Variants in CLCN5 observed in about 807,000 individuals in gnomAD.
The protein encoded by CLCN5 is H(+)/Cl(-) exchange transporter 5.
In CLCN5, 17 loss-of-function variants were observed where a neutral mutation model predicts 54.0. That is an observed-to-expected ratio of 0.31 (90% CI 0.22 to 0.47). The LOEUF is 0.47. Ranked by LOEUF, CLCN5 falls within the 20% of genes least tolerant of loss-of-function variation. The pLI, the probability that CLCN5 is intolerant of heterozygous loss-of-function variation, is 1.00. For missense variants in CLCN5, 448 were observed against 646.7 expected, an observed-to-expected ratio of 0.69 and a Z score of 3.33; for synonymous variants, 222 against 233.0, an observed-to-expected ratio of 0.95 and a Z score of 0.43.
At chrX:50,039,552 A>G (rs1194541828) in intron 3 of CLCN5, among the ~76,000 whole-genome samples, 1 of 111,910 alleles carries the variant, frequency 8.9e-6, no homozygotes, top group Non-Finnish European at 1.9e-5. Flanking sequence ...ACTGTAAGGT[A>G]CAGTTATTTG....
rs1557187338 is a variant in CLCN5 at position 50,042,540 on chromosome X, T to C, written c.163+78T>C. 4 of 684,687 alleles carry C rather than the reference T, an allele frequency of 5.8e-6. No individual in the cohort carries two copies. The Admixed American group carries it at 1.5e-4, about 26-fold the overall frequency. The allele number at this position is 684,687 out of a possible 1,213,427, so 56.4% of individuals were successfully genotyped here. A position where few individuals can be genotyped will look rare whatever the true frequency, so the allele number is the denominator to read the frequency against. ...ATAAAATTTTATTTTTTTTTAATTT[T>C]ATTTTCTAGCACACAGTCCTGTGAG... On this transcript the variant is annotated intron_variant, in intron 4 of 14. Coordinates refer to ENST00000376091, the MANE Select transcript of CLCN5 (RefSeq NM_001127898.4).
chrX:50,044,615 G>A (rs1232683803), intron 4 of CLCN5, among the ~76,000 whole-genome samples: 1 of 110,966 alleles, frequency 9.0e-6, no homozygotes, highest in Non-Finnish European at 1.9e-5. Context: ...GATAGGCGGT[G>A]GAGTCAGGAG....
chrX:50,082,736 C>A (rs782063795), intron 9 of CLCN5, among the ~76,000 whole-genome samples: 8 of 111,870 alleles, frequency 7.2e-5, no homozygotes, highest in Non-Finnish European at 1.5e-4. Flanking sequence ...GCTTCTCTTA[C>A]AAAATAAGTT....
chrX:49,922,910 T>C (rs1925136441), intron 1 of CLCN5, 118 bp downstream of exon 1: 1 of 112,598 alleles, frequency 8.9e-6, no homozygotes, highest in Non-Finnish European at 1.9e-5. Context: ...TCCCGCTGGC[T>C]TGGACCCCCG....
At chrX:50,009,259 A>G (rs1271102260) in intron 3 of CLCN5, among the ~76,000 whole-genome samples, 2 of 111,925 alleles carry the variant, frequency 1.8e-5, no homozygotes, top group African/African-American at 3.3e-5. Flanking sequence ...GTTTACTCCC[A>G]GCTTACTATG....
intron 5 of CLCN5, among the ~76,000 whole-genome samples, 182 bp from the exon 6 acceptor site, chrX:50,072,307 G>A (rs1933245635): frequency 8.9e-6 from 1 of 111,759 alleles, no homozygotes; most frequent in Non-Finnish European, 1.9e-5. Context: ...GTAGATGAAG[G>A]TGGGGTTTCG....
At chrX:49,951,277 C>G (rs1182334854) in intron 3 of CLCN5, among the ~76,000 whole-genome samples, 3 of 111,830 alleles carry the variant, frequency 2.7e-5, no homozygotes, top group Non-Finnish European at 3.8e-5. Context: ...GTACATGAGA[C>G]TAAAGGCTGA....
In CLCN5 at chrX:50,086,878, A is replaced by C. The variant is rs1557194092; in HGVS notation, c.1557+8A>C. 8.3e-7 allele frequency: 1 copy of C among 1,205,458 alleles called. No homozygotes were observed. Among genetic ancestry groups the C allele is most frequent in the East Asian group, 3.0e-5 (1 of 33,715 alleles). On this transcript the variant is annotated splice_region_variant and intron_variant, in intron 11 of 14. Transcript: ENST00000376091. ...TTCACCTTTGGCATGAAGGTGAGGA[A>C]TTCTTTTGGGACTCAGTGGCTGCAT...
chrX:49,992,899 G>A (rs192966993), intron 3 of CLCN5, among the ~76,000 whole-genome samples: 98 of 112,242 alleles, frequency 8.7e-4, no homozygotes, highest in African/African-American at 3.0e-3. Flanking sequence ...TGCAGTTACT[G>A]TTAGGCAGAG....
intron 7 of CLCN5, among the ~76,000 whole-genome samples, chrX:50,076,984 C>T (rs1557192213): frequency 8.9e-6 from 1 of 112,071 alleles, no homozygotes; most frequent in Admixed American, 9.4e-5. Context: ...CCCTGACTTC[C>T]ACCAACAAAG....
At position 50,093,105 on chromosome X, in the gene CLCN5, G is replaced by A. The variant is rs1400025042; in HGVS notation, c.*886G>A. The A allele has an allele frequency of 5.3e-5, 6 of 112,236 alleles. No homozygotes were observed. Among genetic ancestry groups the A allele is most frequent in the African/African-American group, 1.9e-4 (6 of 30,856 alleles). 9.2% of individuals were successfully genotyped at this position (112,236 alleles called of 1,213,427 possible). A position where few individuals can be genotyped will look rare whatever the true frequency, so the allele number is the denominator to read the frequency against. On this transcript the variant is annotated 3_prime_UTR_variant, in exon 15 of 15. Coordinates refer to ENST00000376091, the MANE Select transcript of CLCN5 (RefSeq NM_001127898.4). ...CAATGACTAGGAGTTTCACATGTTT[G>A]TGAGGTCCTAACTAATTCTCTTACC...
chrX:50,010,272 G>T (rs1984574766), intron 3 of CLCN5, among the ~76,000 whole-genome samples: 1 of 99,522 alleles, frequency 1.0e-5, no homozygotes, highest in Admixed American at 1.2e-4. Flanking sequence ...ATGGAGTATT[G>T]CTCTGTTGCT....
At chrX:50,090,943 A>G in intron 14 of CLCN5, 57 bp downstream of exon 14, 1 of 860,141 alleles carries the variant, frequency 1.2e-6, no homozygotes, top group Non-Finnish European at 1.7e-6. Flanking sequence ...ATGCAGAGAT[A>G]GAAAGAAGTA....
chrX:49,969,745 G>T (rs1557175980), intron 3 of CLCN5, among the ~76,000 whole-genome samples: 1 of 112,080 alleles, frequency 8.9e-6, no homozygotes, highest in East Asian at 2.8e-4. Context: ...TTCTGCTGTT[G>T]TTGGGTGGTG....
intron 9 of CLCN5, among the ~76,000 whole-genome samples, chrX:50,084,169 C>G (rs1933809280): frequency 8.9e-6 from 1 of 111,818 alleles, no homozygotes; most frequent in South Asian, 3.8e-4. Context: ...TAGCCTATGG[C>G]TCCTAGGCTA....
At chrX:49,999,634 A>G (rs1929702846) in intron 3 of CLCN5, among the ~76,000 whole-genome samples, 1 of 111,159 alleles carries the variant, frequency 9.0e-6, no homozygotes, top group Admixed American at 9.6e-5. Flanking sequence ...ATAAGTTCAG[A>G]AATGGCAGTT....
rs1557194541 is a variant in CLCN5 at position 50,090,242 on chromosome X, G to A, written c.1871G>A (p.Arg624Gln). ...TSKWVADALG[R>Q]EGIYDAHIRL... is the part of the protein sequence containing the mutation. The stretch of plus-strand genomic sequence containing the variant: ...AAGTGGGTGGCAGATGCTCTTGGGC[G>A]GGAGGGCATCTATGATGCCCACATC... The change falls in exon 13 of 15, where the codon CGG becomes CAG. Residue 624 changes from arginine to glutamine, a missense_variant. Physicochemically the swap from Arg to Gln is conservative, Grantham distance 43. Transcript: ENST00000376091. 17 of 1,209,694 alleles carry A rather than the reference G, an allele frequency of 1.4e-5. No individual in the cohort carries two copies. Among genetic ancestry groups the A allele is most frequent in the East Asian group, 3.0e-5 (1 of 33,714 alleles).
intron 6 of CLCN5, among the ~76,000 whole-genome samples, 180 bp from the exon 7 acceptor site, chrX:50,075,615 T>C (rs1933373168): frequency 9.0e-6 from 1 of 111,058 alleles, no homozygotes; most frequent in Non-Finnish European, 1.9e-5. Flanking sequence ...AGATAATAAG[T>C]GAAAATCAAG....
chrX:50,048,715 A>G (rs1602087812), intron 4 of CLCN5, among the ~76,000 whole-genome samples: 2 of 110,445 alleles, frequency 1.8e-5, no homozygotes, highest in South Asian at 3.9e-4. Flanking sequence ...CATATTATAT[A>G]TTTCCTGCCC....
Sources: allele counts gnomAD v4.1 joint callset (sites outside exome capture counted in the v4.1 genomes callset), GRCh38; gene constraint gnomAD v4.1.1; transcripts MANE v1.5; gene names NCBI Gene and HGNC (gene_info 2026-07-23, HGNC 2026-07-21).